Variants in PRDM2 observed in about 807,000 individuals in gnomAD.
The protein encoded by PRDM2 is PR/SET domain 2.
In PRDM2, 30 loss-of-function variants were observed where a neutral mutation model predicts 130.0. That is an observed-to-expected ratio of 0.23 (90% CI 0.17 to 0.31). The LOEUF (loss-of-function observed/expected upper bound fraction) is 0.31, where lower values mean the gene tolerates loss of function less well. Ranked by LOEUF, PRDM2 falls within the 10% of genes least tolerant of loss-of-function variation. The pLI is 1.00. For synonymous variants in PRDM2, 871 were observed against 782.4 expected (o/e 1.11, Z -1.89); for missense variants, 2,011 against 2,108.4 (o/e 0.95, Z 0.90).
intron 8 of PRDM2, among the ~76,000 whole-genome samples, chr1:13,810,702 G>A (rs7541699): frequency 6.6e-6 from 1 of 151,780 alleles, no homozygotes; most frequent in African/African-American, 2.4e-5. Flanking sequence ...CACTGTGTTA[G>A]CAAGGATGGT....
At chr1:13,703,215 A>G (rs2100373037) in intron 1 of PRDM2, among the ~76,000 whole-genome samples, 1 of 152,336 alleles carries the variant, frequency 6.6e-6, no homozygotes, top group South Asian at 2.1e-4. Context: ...CAACCTCTGC[A>G]CTTACTGACA....
chr1:13,805,907 C>G (rs150086549), intron 8 of PRDM2, among the ~76,000 whole-genome samples: 1 of 152,154 alleles, frequency 6.6e-6, no homozygotes, highest in African/African-American at 2.4e-5. Flanking sequence ...CTGGAGAGCC[C>G]ATGTCCTCTG....
intron 8 of PRDM2, among the ~76,000 whole-genome samples, chr1:13,811,840 G>T (rs1012440632): frequency 1.3e-5 from 2 of 152,240 alleles, no homozygotes; most frequent in Non-Finnish European, 2.9e-5. Flanking sequence ...GTCAGAGAAG[G>T]CCTCTTTCAG....
intron 8 of PRDM2, among the ~76,000 whole-genome samples, chr1:13,811,469 G>A (rs1430548065): frequency 6.6e-6 from 1 of 152,208 alleles, no homozygotes; most frequent in Non-Finnish European, 1.5e-5. Flanking sequence ...GAGACTCTGG[G>A]CTCTGCCATC....
intron 6 of PRDM2, among the ~76,000 whole-genome samples, chr1:13,758,510 C>G (rs955036318): frequency 2.6e-5 from 4 of 151,388 alleles, no homozygotes; most frequent in African/African-American, 9.7e-5. Flanking sequence ...ATACTGTAGG[C>G]AAGGCAGAAC....
intron 6 of PRDM2, among the ~76,000 whole-genome samples, 174 bp downstream of exon 6, chr1:13,749,661 C>A (rs1476442502): frequency 6.6e-6 from 1 of 151,456 alleles, no homozygotes. Flanking sequence ...GCCCCGCTCC[C>A]GCCCTGCGGT....
chr1:13,767,475 T>A (rs1456677400), intron 6 of PRDM2, among the ~76,000 whole-genome samples: 2 of 147,692 alleles, frequency 1.4e-5, no homozygotes, highest in African/African-American at 5.0e-5. Context: ...CTATTTTTTT[T>A]TTTTTTTTTG....
intron 8 of PRDM2, among the ~76,000 whole-genome samples, chr1:13,783,777 C>G (rs1473375484): frequency 1.3e-5 from 2 of 152,220 alleles, no homozygotes; most frequent in African/African-American, 4.8e-5. Context: ...AATTACTCAT[C>G]AGATAGCATT....
chr1:13,818,551 T>TG (rs1363831911), intron 9 of PRDM2, among the ~76,000 whole-genome samples: 1 of 151,042 alleles, frequency 6.6e-6, no homozygotes, highest in Non-Finnish European at 1.5e-5. Context: ...GCTAATTTTT[T>TG]TTTTTTTTGT....
chr1:13,731,621 G>C (rs1643114382), intron 3 of PRDM2, among the ~76,000 whole-genome samples: 1 of 152,176 alleles, frequency 6.6e-6, no homozygotes, highest in Non-Finnish European at 1.5e-5. Context: ...CATGCTGTGA[G>C]TGTATCTAAA....
intron 2 of PRDM2, among the ~76,000 whole-genome samples, chr1:13,716,020 T>C (rs1642522771): frequency 6.6e-6 from 1 of 152,140 alleles, no homozygotes; most frequent in African/African-American, 2.4e-5. Flanking sequence ...TGCGGCATTA[T>C]TCACAATAGC....
intron 1 of PRDM2, among the ~76,000 whole-genome samples, chr1:13,713,257 G>C (rs1246756523): frequency 6.6e-6 from 1 of 152,212 alleles, no homozygotes; most frequent in African/African-American, 2.4e-5. Flanking sequence ...CAAAAGGGCA[G>C]TGATCTTCCT....
At chr1:13,735,684 G>A (rs949780293) in intron 4 of PRDM2, among the ~76,000 whole-genome samples, 10 of 152,084 alleles carry the variant, frequency 6.6e-5, no homozygotes, top group Non-Finnish European at 1.0e-4. Context: ...ACAGCAGAGC[G>A]GGGCATTGGT....
intron 8 of PRDM2, among the ~76,000 whole-genome samples, chr1:13,810,640 G>A (rs1409745954): frequency 4.0e-5 from 6 of 151,774 alleles, no homozygotes; most frequent in African/African-American, 7.3e-5. Context: ...GACTACAGGC[G>A]CCCGCCACCA....
chr1:13,716,301 G>C (rs895312786), intron 2 of PRDM2, among the ~76,000 whole-genome samples: 1 of 148,126 alleles, frequency 6.8e-6, no homozygotes, highest in African/African-American at 2.5e-5. Context: ...GGACTGTTGT[G>C]GGGTGGAGGG....
intron 4 of PRDM2, among the ~76,000 whole-genome samples, chr1:13,740,464 G>A (rs1416792079): frequency 6.6e-6 from 1 of 152,160 alleles, no homozygotes; most frequent in Non-Finnish European, 1.5e-5. Flanking sequence ...ACTCTCCTTG[G>A]TGCCTATGAT....
rs533413917 is a variant in PRDM2, at chr1:13,781,795, C to T, written c.4000C>T (p.Arg1334Cys). ...NIPQTFTTAI[R>C]CTKCGKGVDN... ...TCCACAGACTTTCACTACCGCCATTCGCTGCACAAAGTGTGGAAAAGGTGT... is the reference window on the plus strand; with the variant it reads ...TCCACAGACTTTCACTACCGCCATTTGCTGCACAAAGTGTGGAAAAGGTGT... Residue 1334 changes from arginine (R) to cysteine (C), a missense_variant, in exon 8 of 10, where the codon CGC (arginine) becomes TGC (cysteine). Physicochemically the swap from Arg to Cys is radical, Grantham distance 180. This residue lies in a region of PRDM2 where 229 missense variants were observed against 364.1 expected (regional missense o/e 0.63). Coordinates refer to ENST00000311066, the MANE Select transcript of PRDM2 (RefSeq NM_001393986.1). The surrounding 1 kb of genome is among the most constrained non-coding windows in gnomAD (Gnocchi z 6.1). 12 of 1,614,036 alleles carry T rather than the reference C, an allele frequency of 7.4e-6. No individual in the cohort carries two copies. The highest frequency in any genetic ancestry group is 1.1e-5 in the South Asian group (1 of 91,088).
intron 8 of PRDM2, among the ~76,000 whole-genome samples, chr1:13,810,701 A>G (rs1404063835): frequency 1.3e-5 from 2 of 151,378 alleles, no homozygotes; most frequent in African/African-American, 4.8e-5. Context: ...TCACTGTGTT[A>G]GCAAGGATGG....
At chr1:13,770,269 T>C in intron 6 of PRDM2, 1 of 455,922 alleles carries the variant, frequency 2.2e-6, no homozygotes, top group Non-Finnish European at 4.3e-6. Context: ...ACATTTAGTA[T>C]CAGCTAGGTG....
Sources: gnomAD v4.1 joint callset for allele counts (sites outside exome capture counted in the v4.1 genomes callset) on GRCh38, gnomAD v4.1.1 for gene constraint, gnomAD v4.1.1 regional missense constraint, Gnocchi (gnomAD v3.1) non-coding constraint, MANE v1.5 for transcripts, NCBI Gene and HGNC (gene_info 2026-07-23, HGNC 2026-07-21) for gene names.